UBAP1: variants seen among roughly 807,000 people sequenced by gnomAD.
UBAP1 encodes ubiquitin associated protein 1.
Under a neutral mutation model 39.0 loss-of-function variants are expected in UBAP1, and 5 were observed. The observed-to-expected ratio is 0.13, with a 90% CI of 0.07 to 0.27. The LOEUF is 0.27. UBAP1 is among the 10% of genes least tolerant of loss of function. The pLI, the probability that UBAP1 is intolerant of heterozygous loss-of-function variation, is 1.00. For missense variants in UBAP1, 490 were observed against 608.1 expected (o/e 0.81, Z 2.04); for synonymous variants, 211 against 225.1 (o/e 0.94, Z 0.56).
At chr9:34,240,182 C>T (rs1327934211) in intron 3 of UBAP1, among the ~76,000 whole-genome samples, 1 of 152,094 alleles carries the variant, frequency 6.6e-6, no homozygotes, top group East Asian at 1.9e-4. Context: ...GAAAGGAAGC[C>T]CAGTGATCCC....
Position 34,212,392 on chromosome 9 carries a change from AACACAC to A in UBAP1, c.-7-8487_-7-8482del, listed in dbSNP as rs35251034. Among the ~76,000 whole-genome samples, 206 of 142,260 alleles carry A rather than the reference AACACAC, an allele frequency of 1.4e-3. 1 individual carries two copies. The highest frequency in any genetic ancestry group is 2.4e-3 in the African/African-American group (92 of 38,686). 93.3% of individuals were successfully genotyped at this position (142,260 alleles called of 152,430 possible). A position where few individuals can be genotyped will look rare whatever the true frequency, so the allele number is the denominator to read the frequency against. ...CATAGTGAGACCTCATTTCTATTAAAACACACACACACACACACACACACACACACA... is the reference window on the plus strand; with the variant it reads ...CATAGTGAGACCTCATTTCTATTAAAACACACACACACACACACACACACA... On this transcript the variant is annotated intron_variant, in intron 1 of 6. Transcript: ENST00000297661.
At chr9:34,221,729 T>C (rs1187640711) in intron 2 of UBAP1, among the ~76,000 whole-genome samples, 1 of 152,176 alleles carries the variant, frequency 6.6e-6, no homozygotes, top group Non-Finnish European at 1.5e-5. Context: ...TACTGATATT[T>C]ATAATTTTGA....
intron 1 of UBAP1, among the ~76,000 whole-genome samples, chr9:34,191,350 G>A (rs566449169): frequency 6.6e-6 from 1 of 152,240 alleles, no homozygotes; most frequent in African/African-American, 2.4e-5. Context: ...TCCCACCTTG[G>A]CCTCCTAAAG....
chr9:34,241,269 A>C lies in UBAP1; in HGVS notation c.244A>C (p.Lys82Gln), dbSNP rs140613134. Residue 82 changes from lysine to glutamine, a missense_variant, in exon 4 of 7, where the codon AAA (lysine) becomes CAA (glutamine). Physicochemically the swap from Lys to Gln is moderately conservative, Grantham distance 53 (BLOSUM62 1). Transcript: ENST00000297661. Reference sequence around the variant, plus strand: ...AGAAGCCGAGCGGGAAGCAGAGTGCAAAATTGCGGAAGCAGAAGCTAAAGT... The same window carrying C: ...AGAAGCCGAGCGGGAAGCAGAGTGCCAAATTGCGGAAGCAGAAGCTAAAGT... ...IEEAEREAEC[K>Q]IAEAEAKVNS... The C allele has an allele frequency of 5.4e-5, 81 of 1,507,886 alleles. No homozygotes were observed. The African/African-American group carries it at 8.8e-4, about 16-fold the overall frequency. The allele number at this position is 1,507,886 out of a possible 1,614,324, so 93.4% of individuals were successfully genotyped here. A position where few individuals can be genotyped will look rare whatever the true frequency, so the allele number is the denominator to read the frequency against.
At chr9:34,246,234 C>T (rs1469458784) in intron 4 of UBAP1, among the ~76,000 whole-genome samples, 1 of 152,058 alleles carries the variant, frequency 6.6e-6, no homozygotes, top group Non-Finnish European at 1.5e-5. Flanking sequence ...ACCTGGCTAA[C>T]TTTTTGTGTT....
At chr9:34,186,894 G>GT (rs1233948421) in intron 1 of UBAP1, among the ~76,000 whole-genome samples, 74 of 150,936 alleles carry the variant, frequency 4.9e-4, no homozygotes, top group Non-Finnish European at 7.7e-4. Flanking sequence ...TGTGTTTTGT[G>GT]TTTTTTTTTA....
In UBAP1 at chr9:34,241,265, G is replaced by C; in HGVS notation, c.240G>C (p.Glu80Asp). ...TCGAAGAAGCCGAGCGGGAAGCAGA[G>C]TGCAAAATTGCGGAAGCAGAAGCTA... ...KKIEEAEREAECKIAEAEAKV... is the reference protein window; with the variant it reads ...KKIEEAEREADCKIAEAEAKV... Residue 80 changes from glutamate to aspartate, a missense_variant, in exon 4 of 7, where the codon GAG becomes GAC. This residue lies in a region of UBAP1 where 144 missense variants were observed against 184.4 expected (regional missense o/e 0.78). Coordinates refer to ENST00000297661, the MANE Select transcript of UBAP1 (RefSeq NM_016525.5). 1 of 1,507,786 alleles carries C rather than the reference G, an allele frequency of 6.6e-7. No homozygotes were observed. The highest frequency in any genetic ancestry group is 8.9e-7 in the Non-Finnish European group (1 of 1,129,692). The allele number at this position is 1,507,786 out of a possible 1,614,324, so 93.4% of individuals were successfully genotyped here.
At chr9:34,193,495 T>A (rs898854192) in intron 1 of UBAP1, among the ~76,000 whole-genome samples, 4 of 151,954 alleles carry the variant, frequency 2.6e-5, no homozygotes, top group Non-Finnish European at 5.9e-5. Flanking sequence ...GGTTGGGGGC[T>A]CAGTCTTCAA....
chr9:34,249,690 C>A, intron 4 of UBAP1, 89 bp from the exon 5 acceptor site: 1 of 1,300,324 alleles, frequency 7.7e-7, no homozygotes, highest in Non-Finnish European at 1.1e-6. Flanking sequence ...TGAATAGTGT[C>A]AGAAATGCCA....
rs539426023 is a variant in UBAP1, at chr9:34,250,905, A to G, written c.1368+146A>G. On this transcript the variant is annotated intron_variant, in intron 6 of 6. Transcript: ENST00000297661. ...ATTTGAAGGGCAGAATCTCCCAAGT[A>G]TTCAGACAGGCCGAGGCCTGCGTTT... 2.6e-5 allele frequency: 19 copies of G among 723,194 alleles called. No individual in the cohort carries two copies. The African/African-American group carries it at 3.0e-4, about 11-fold the overall frequency. 44.8% of individuals were successfully genotyped at this position (723,194 alleles called of 1,614,324 possible).
chr9:34,239,237 GT>G (rs1833845286), intron 3 of UBAP1, among the ~76,000 whole-genome samples: 1 of 152,194 alleles, frequency 6.6e-6, no homozygotes. Flanking sequence ...AGAAGACAGG[GT>G]TTTGCCATGT....
At chr9:34,232,827 T>C (rs1833498712) in intron 2 of UBAP1, among the ~76,000 whole-genome samples, 1 of 152,240 alleles carries the variant, frequency 6.6e-6, no homozygotes, top group African/African-American at 2.4e-5. Flanking sequence ...CAGCTGCCAA[T>C]GTTGAAAAAC....
rs533634057 is a variant in UBAP1, at chr9:34,207,404, A to G, written c.-7-13504A>G. The stretch of plus-strand genomic sequence containing the variant: ...CAGCTTGTCTAATTAAAAAAAAAAA[A>G]AAAGAAAGAAAAACATGGTACTTCA... On this transcript the variant is annotated intron_variant, in intron 1 of 6. Transcript: ENST00000297661. Among the ~76,000 whole-genome samples the G allele has an allele frequency of 1.9e-4, 28 of 151,172 alleles. No homozygotes were observed. The South Asian group carries it at 2.1e-3, about 11-fold the overall frequency.
At chr9:34,186,260 G>A (rs768465691) in intron 1 of UBAP1, among the ~76,000 whole-genome samples, 18 of 152,272 alleles carry the variant, frequency 1.2e-4, no homozygotes, top group Admixed American at 3.3e-4. Context: ...AAAATAAACT[G>A]GATAAACTGG....
rs572501523 is a variant in UBAP1 at position 34,215,768 on chromosome 9, C to G, written c.-7-5140C>G. Among the ~76,000 whole-genome samples the G allele has an allele frequency of 3.5e-3, 529 of 151,774 alleles. 6 individuals are homozygous for G. The highest frequency in any genetic ancestry group is 0.012 in the African/African-American group (510 of 41,420). ...ATATATATGTACACACACACACACA[C>G]ATACATGTATGTACATATATATAAA... On this transcript the variant is annotated intron_variant, in intron 1 of 6. Transcript: ENST00000297661.
intron 6 of UBAP1, chr9:34,250,983 AG>A: frequency 1.8e-6 from 1 of 553,686 alleles, no homozygotes; most frequent in South Asian, 1.9e-5. Context: ...AGTGAAGGGA[AG>A]GGAATATTGG....
chr9:34,182,681 T>TTCTTTCTTTCTTTCTTTCTCTCTCTC (rs1491429494), intron 1 of UBAP1, among the ~76,000 whole-genome samples: 1 of 115,494 alleles, frequency 8.7e-6, no homozygotes, highest in South Asian at 3.1e-4. Flanking sequence ...CTTTCTTTCT[T>TTCTTTCTTTCTTTCTTTCTCTCTCTC]TCTCTCTCTC....
intron 3 of UBAP1, among the ~76,000 whole-genome samples, chr9:34,235,484 G>A (rs1289165369): frequency 2.6e-5 from 4 of 151,844 alleles, no homozygotes; most frequent in Non-Finnish European, 4.4e-5. Flanking sequence ...GACTACAGGC[G>A]CCCGCCACCA....
intron 4 of UBAP1, 23 bp downstream of exon 4, chr9:34,242,131 C>T (rs532402482): frequency 7.1e-6 from 11 of 1,549,274 alleles, no homozygotes; most frequent in East Asian, 6.8e-5. Context: ...AATCCCCCGC[C>T]GACTCCCATA....
Sources: allele counts gnomAD v4.1 joint callset (sites outside exome capture counted in the v4.1 genomes callset), GRCh38; gene constraint gnomAD v4.1.1; regional missense constraint gnomAD v4.1.1; transcripts MANE v1.5; gene names NCBI Gene and HGNC (gene_info 2026-07-23, HGNC 2026-07-21).